The following PLCB4 variants were observed in gnomAD, a reference collection of about 807,000 sequenced individuals.
PLCB4 encodes the protein phospholipase C beta 4, also known as 1-phosphatidylinositol 4,5-bisphosphate phosphodiesterase beta-4.
A neutral mutation model predicts 178.8 loss-of-function variants in PLCB4; 77 were observed. The ratio of observed to expected loss-of-function variants is 0.43; its 90% CI spans 0.36 to 0.52. The LOEUF (loss-of-function observed/expected upper bound fraction) is 0.52. Among genes scored for constraint, PLCB4 ranks in the 20% least tolerant of loss-of-function variants. The probability of loss-of-function intolerance (pLI) is 0.00; values close to 1 mark genes in which losing one functional copy is unlikely to be tolerated. For synonymous variants in PLCB4, 496 were observed against 490.8 expected, an observed-to-expected ratio of 1.01 and a Z score of -0.14; for missense variants, 1,024 against 1,453.4, an observed-to-expected ratio of 0.70 and a Z score of 4.80.
chr20:9,100,592 T>A (rs2091106743), intron 2 of PLCB4, among the ~76,000 whole-genome samples: 1 of 152,144 alleles, frequency 6.6e-6, no homozygotes, highest in Admixed American at 6.5e-5. Flanking sequence ...ATTTCAAACA[T>A]CCCCCATGGA....
chr20:9,267,015 C>A (rs759205177), intron 3 of PLCB4, among the ~76,000 whole-genome samples: 3 of 152,084 alleles, frequency 2.0e-5, no homozygotes, highest in Non-Finnish European at 4.4e-5. Flanking sequence ...TAGAACAGAG[C>A]AAGTTTATGA....
chr20:9,477,240 C>T lies in PLCB4; in HGVS notation c.3532+487C>T, dbSNP rs78668565. ...CTGCTAAGTCCCATCTGCCAAAGAC[C>T]CTAATCACTCCTCATAAGTAAGGTG... On this transcript the variant is annotated intron_variant, in intron 39 of 39. Coordinates refer to ENST00000378473, the MANE Select transcript of PLCB4 (RefSeq NM_001377142.1). 3.8e-3 allele frequency among the ~76,000 whole-genome samples: 572 copies of T among 152,232 alleles called. 1 individual carries two copies. Among genetic ancestry groups the T allele is most frequent in the Non-Finnish European group, 6.3e-3 (426 of 68,008 alleles).
At chr20:9,192,192 T>C (rs538455242) in intron 2 of PLCB4, among the ~76,000 whole-genome samples, 1 of 152,268 alleles carries the variant, frequency 6.6e-6, no homozygotes, top group East Asian at 1.9e-4. Flanking sequence ...CTGTGTGCCA[T>C]GATTGATTCC....
chr20:9,206,210 G>A (rs2093611530), intron 2 of PLCB4, among the ~76,000 whole-genome samples: 2 of 151,846 alleles, frequency 1.3e-5, no homozygotes, highest in African/African-American at 4.8e-5. Flanking sequence ...AATAAGCAAG[G>A]GAGCAGTGGC....
In PLCB4 at chr20:9,158,526, C is replaced by A. The variant is rs149156248; in HGVS notation, c.-78-58864C>A. 7.4e-4 allele frequency among the ~76,000 whole-genome samples: 112 copies of A among 151,826 alleles called. 1 individual carries two copies. Among genetic ancestry groups the A allele is most frequent in the African/African-American group, 2.7e-3 (112 of 41,394 alleles). On this transcript the variant is annotated intron_variant, in intron 2 of 39. Coordinates refer to ENST00000378473, the MANE Select transcript of PLCB4 (RefSeq NM_001377142.1). ...TCATGTAATCCACCCTCCTTGGCCT[C>A]CCAAAGTGCTGGGATTACAGGCGTG...
In PLCB4 at chr20:9,072,809, A is replaced by G. The variant is rs1600215728; in HGVS notation, c.-135+3603A>G. On this transcript the variant is annotated intron_variant, in intron 1 of 39. Coordinates refer to ENST00000378473, the MANE Select transcript of PLCB4 (RefSeq NM_001377142.1). Reference sequence around the variant, plus strand: ...CTCAGCTAGGAGATCCTTATGTTCCAGGGAATGAATGACCAGCAGAGTGTT... The same window carrying G: ...CTCAGCTAGGAGATCCTTATGTTCCGGGGAATGAATGACCAGCAGAGTGTT... Among the ~76,000 whole-genome samples the G allele has an allele frequency of 5.3e-5, 8 of 152,352 alleles. 1 individual carries two copies.
intron 35 of PLCB4, 115 bp from the exon 36 acceptor site, chr20:9,468,456 G>T: frequency 1.4e-6 from 1 of 694,180 alleles, no homozygotes; most frequent in South Asian, 1.6e-5. Flanking sequence ...TTGTGTACCC[G>T]TCACTGCCAC....
intron 3 of PLCB4, among the ~76,000 whole-genome samples, chr20:9,223,942 G>A (rs888608405): frequency 6.6e-6 from 1 of 152,202 alleles, no homozygotes; most frequent in Non-Finnish European, 1.5e-5. Flanking sequence ...GCTTCTGGAT[G>A]TGAGAGATTG....
rs556851388 is a variant in PLCB4, at chr20:9,149,046, C to G, written c.-79+52704C>G. On this transcript the variant is annotated intron_variant, in intron 2 of 39. Coordinates refer to ENST00000378473, the MANE Select transcript of PLCB4 (RefSeq NM_001377142.1). The stretch of plus-strand genomic sequence containing the variant: ...TGTTTTCAGAGGGTTCCCTTGCCCT[C>G]TGGCCTCCAGGTAGGTGTAGCCAAC... 1.9e-4 allele frequency among the ~76,000 whole-genome samples: 29 copies of G among 152,298 alleles called. No individual in the cohort carries two copies. In the South Asian group the frequency reaches 4.6e-3, roughly 24 times the overall value.
intron 32 of PLCB4, among the ~76,000 whole-genome samples, chr20:9,447,382 T>C (rs1334256816): frequency 6.6e-6 from 1 of 152,180 alleles, no homozygotes. Flanking sequence ...TAGGTCAGCC[T>C]CTGTTAAACC....
intron 2 of PLCB4, among the ~76,000 whole-genome samples, chr20:9,209,963 C>CA (rs58424232): frequency 0.28 from 13,016 of 46,918 alleles, 1,755 homozygotes; most frequent in African/African-American, 0.39. Flanking sequence ...GACTCTGTCT[C>CA]AAAAAAAAAA....
chr20:9,100,422 G>A (rs551954831), intron 2 of PLCB4, among the ~76,000 whole-genome samples: 1 of 152,204 alleles, frequency 6.6e-6, no homozygotes, highest in South Asian at 2.1e-4. Flanking sequence ...TGCCCAGGCT[G>A]GAGTGCAGTG....
At chr20:9,421,499 C>T (rs763918313) in intron 27 of PLCB4, 38 bp downstream of exon 27, 10 of 1,561,088 alleles carry the variant, frequency 6.4e-6, no homozygotes, top group Middle Eastern at 2.1e-4. Flanking sequence ...ACTCTAATAA[C>T]TTGGGAGCCA....
chr20:9,398,988 T>A (rs778518726), intron 19 of PLCB4, among the ~76,000 whole-genome samples: 1 of 152,168 alleles, frequency 6.6e-6, no homozygotes, highest in South Asian at 2.1e-4. Context: ...AACATAGATA[T>A]GCAAAAATAC....
intron 4 of PLCB4, among the ~76,000 whole-genome samples, chr20:9,308,504 C>T (rs1244836852): frequency 2.0e-5 from 3 of 152,138 alleles, no homozygotes; most frequent in Admixed American, 6.5e-5. Context: ...CATGATTTTT[C>T]TTCTGTTGTA....
chr20:9,157,053 A>G (rs1467715451), intron 2 of PLCB4, among the ~76,000 whole-genome samples: 2 of 151,790 alleles, frequency 1.3e-5, no homozygotes, highest in Non-Finnish European at 2.9e-5. Context: ...GTTCTTCGCT[A>G]TTTTAGTCCA....
intron 7 of PLCB4, among the ~76,000 whole-genome samples, chr20:9,339,670 T>C (rs1250138283): frequency 6.6e-6 from 1 of 152,178 alleles, no homozygotes; most frequent in South Asian, 2.1e-4. Context: ...ATCTGATGTG[T>C]ATTTTCAAAT....
At chr20:9,153,073 A>G (rs973394430) in intron 2 of PLCB4, among the ~76,000 whole-genome samples, 8 of 152,120 alleles carry the variant, frequency 5.3e-5, no homozygotes, top group African/African-American at 1.9e-4. Flanking sequence ...TATTTACCCA[A>G]TACTTGTACC....
chr20:9,407,170 G>A (rs1268579111), intron 21 of PLCB4, among the ~76,000 whole-genome samples: 1 of 152,100 alleles, frequency 6.6e-6, no homozygotes, highest in Non-Finnish European at 1.5e-5. Flanking sequence ...TTACAGCAAT[G>A]ACTGGCCTCA....
Sources: gnomAD v4.1 joint callset for allele counts (sites outside exome capture counted in the v4.1 genomes callset) on GRCh38, gnomAD v4.1.1 for gene constraint, MANE v1.5 for transcripts, NCBI Gene and HGNC (gene_info 2026-07-23, HGNC 2026-07-21) for gene names.